Variants in CWF19L2 observed in about 807,000 individuals in gnomAD.
CWF19L2 encodes CWF19 like cell cycle control factor 2.
Under a neutral mutation model 111.7 loss-of-function variants are expected in CWF19L2, and 98 were observed. The observed-to-expected ratio is 0.88, with a 90% confidence interval of 0.75 to 1.04. The LOEUF (loss-of-function observed/expected upper bound fraction) is 1.04. CWF19L2 is among the 50% of genes least tolerant of loss of function. The pLI is 0.00. For missense variants in CWF19L2, 1,101 were observed against 1,051.4 expected (o/e 1.05, Z -0.65); for synonymous variants, 351 against 342.9 (o/e 1.02, Z -0.26).
At chr11:107,395,815 T>G (rs1397387022) in intron 10 of CWF19L2, among the ~76,000 whole-genome samples, 2 of 152,242 alleles carry the variant, frequency 1.3e-5, no homozygotes, top group Non-Finnish European at 2.9e-5. Flanking sequence ...TGTAATATTT[T>G]CAGTAACTAT....
chr11:107,456,686 T>C (rs1022319956), intron 1 of CWF19L2, among the ~76,000 whole-genome samples: 1 of 151,912 alleles, frequency 6.6e-6, no homozygotes, highest in East Asian at 1.9e-4. Context: ...CATGGAGAGG[T>C]AGTCCAACAT....
In CWF19L2 at chr11:107,411,089, GCACACACACACACACA is replaced by G. The variant is rs146846176; in HGVS notation, c.1617+5104_1617+5119del. On this transcript the variant is annotated intron_variant, in intron 10 of 17. Coordinates refer to ENST00000282251, the MANE Select transcript of CWF19L2 (RefSeq NM_152434.3). The stretch of plus-strand genomic sequence containing the variant: ...GTGGTGTGTGTGTGCGCGCGTGCGT[GCACACACACACACACA>G]CACACACACACACTATCATAAAACA... Among the ~76,000 whole-genome samples the G allele has an allele frequency of 3.4e-5, 5 of 148,794 alleles. No individual in the cohort carries two copies. The South Asian group carries it at 1.1e-3, about 32-fold the overall frequency.
intron 8 of CWF19L2, among the ~76,000 whole-genome samples, chr11:107,428,233 T>A (rs564835343): frequency 6.6e-6 from 1 of 152,260 alleles, no homozygotes; most frequent in South Asian, 2.1e-4. Flanking sequence ...TATTTTATAT[T>A]TAAAACTCTA....
In CWF19L2 at chr11:107,326,818, G is replaced by A; in HGVS notation, c.*92C>T. The A allele has an allele frequency of 9.2e-7, 1 of 1,089,312 alleles. No homozygotes were observed. The allele number at this position is 1,089,312 out of a possible 1,614,324, so 67.5% of individuals were successfully genotyped here. On this transcript the variant is annotated 3_prime_UTR_variant, in exon 18 of 18. Transcript: ENST00000282251. The stretch of plus-strand genomic sequence containing the variant: ...GCAGTCTGCTGCTGTGACTCTCTCT[G>A]CCTGTGACCTGAGGGTCAGTTGCTT...
chr11:107,455,857 T>C (rs1378281622), intron 1 of CWF19L2, 81 bp from the exon 2 acceptor site: 2 of 757,516 alleles, frequency 2.6e-6, no homozygotes, highest in East Asian at 5.6e-5. Flanking sequence ...AAAACCTCTG[T>C]CATTTTTATA....
chr11:107,373,177 G>C (rs574832716), intron 12 of CWF19L2, among the ~76,000 whole-genome samples: 1 of 127,934 alleles, frequency 7.8e-6, no homozygotes, highest in Non-Finnish European at 1.6e-5. Flanking sequence ...ACTGCAAGGC[G>C]GCAGCGAGGC....
chr11:107,364,221 A>C (rs1860401992), intron 12 of CWF19L2, among the ~76,000 whole-genome samples: 1 of 142,120 alleles, frequency 7.0e-6, no homozygotes, highest in Non-Finnish European at 1.5e-5. Flanking sequence ...CACATTAATA[A>C]TGGGAGACTT....
intron 14 of CWF19L2, among the ~76,000 whole-genome samples, chr11:107,344,120 C>G (rs969895918): frequency 6.6e-6 from 1 of 152,006 alleles, no homozygotes; most frequent in South Asian, 2.1e-4. Flanking sequence ...AGCTGAGGCA[C>G]AAGAATCGAT....
rs1054154995 is a variant in CWF19L2 at position 107,373,226 on chromosome 11, G to T, written c.1872+16848C>A. On this transcript the variant is annotated intron_variant, in intron 12 of 17. Transcript: ENST00000282251. The stretch of plus-strand genomic sequence containing the variant: ...CCTGCCATTGCCCAGGCTTGCTCAG[G>T]TAAACAAAGCAGCCAGGAAGCTCGA... Among the ~76,000 whole-genome samples, 2 of 129,888 alleles carry T rather than the reference G, an allele frequency of 1.5e-5. 1 individual carries two copies. The highest frequency in any genetic ancestry group is 3.2e-5 in the Non-Finnish European group (2 of 62,050). The allele number at this position is 129,888 out of a possible 152,430, so 85.2% of individuals were successfully genotyped here. A position where few individuals can be genotyped will look rare whatever the true frequency, so the allele number is the denominator to read the frequency against.
intron 3 of CWF19L2, among the ~76,000 whole-genome samples, chr11:107,444,423 A>G (rs1300931565): frequency 6.6e-6 from 1 of 151,718 alleles, no homozygotes; most frequent in East Asian, 1.9e-4. Flanking sequence ...CTTCCATGAC[A>G]CCTCTCAGCT....
intron 14 of CWF19L2, chr11:107,345,588 T>C (rs1195312562): frequency 2.5e-6 from 1 of 392,836 alleles, no homozygotes. Context: ...TTCTGTATTA[T>C]AAAATATATA....
Position 107,381,913 on chromosome 11 carries a change from G to A in CWF19L2, c.1872+8161C>T, listed in dbSNP as rs150412382. Among the ~76,000 whole-genome samples the A allele has an allele frequency of 1.4e-4, 21 of 152,084 alleles. No homozygotes were observed. In the East Asian group the frequency reaches 4.1e-3, roughly 29 times the overall value. ...AATCATCTTTTTTTAATAACTTAAG[G>A]TAAAATCCTAATTACTGGAGTCTTT... On this transcript the variant is annotated intron_variant, in intron 12 of 17. Coordinates refer to ENST00000282251, the MANE Select transcript of CWF19L2 (RefSeq NM_152434.3).
intron 14 of CWF19L2, among the ~76,000 whole-genome samples, chr11:107,343,623 T>C (rs1363803911): frequency 6.6e-6 from 1 of 152,096 alleles, no homozygotes; most frequent in African/African-American, 2.4e-5. Flanking sequence ...TTTCTGTTTG[T>C]TCTTTCTATT....
intron 16 of CWF19L2, among the ~76,000 whole-genome samples, chr11:107,331,691 T>C (rs1418301569): frequency 8.5e-5 from 13 of 152,204 alleles, no homozygotes; most frequent in Non-Finnish European, 7.3e-5. Context: ...GCCAATATGT[T>C]TGTGGTAATT....
At chr11:107,446,223 G>A (rs1861700333) in intron 3 of CWF19L2, among the ~76,000 whole-genome samples, 1 of 152,080 alleles carries the variant, frequency 6.6e-6, no homozygotes. Context: ...GGTTTACAAG[G>A]CCCTATTAAT....
At chr11:107,350,722 G>A (rs928322917) in intron 13 of CWF19L2, among the ~76,000 whole-genome samples, 2 of 152,072 alleles carry the variant, frequency 1.3e-5, no homozygotes, top group African/African-American at 4.8e-5. Context: ...TATGTCAGAT[G>A]GTGATAAGGG....
At chr11:107,402,873 G>GTGTATATATATATATATATA (rs1247886311) in intron 10 of CWF19L2, among the ~76,000 whole-genome samples, 47 of 94,384 alleles carry the variant, frequency 5.0e-4, no homozygotes, top group African/African-American at 2.2e-3. Flanking sequence ...ACTGTGGTGT[G>GTGTATATATATATATATATA]TATATATATA....
chr11:107,333,149 T>C (rs948068766), intron 16 of CWF19L2, among the ~76,000 whole-genome samples: 8 of 151,994 alleles, frequency 5.3e-5, no homozygotes, highest in African/African-American at 1.2e-4. Context: ...TCATTGACTG[T>C]AACCCTCAGC....
intron 16 of CWF19L2, among the ~76,000 whole-genome samples, chr11:107,331,832 C>G (rs1285734871): frequency 6.6e-6 from 1 of 152,190 alleles, no homozygotes; most frequent in Non-Finnish European, 1.5e-5. Context: ...CTTCTCTATT[C>G]TCTCCCTGCA....
Sources: gnomAD v4.1 joint callset for allele counts (sites outside exome capture counted in the v4.1 genomes callset) on GRCh38, gnomAD v4.1.1 for gene constraint, MANE v1.5 for transcripts, NCBI Gene and HGNC (gene_info 2026-07-23, HGNC 2026-07-21) for gene names.